MTUS1: variants seen among roughly 807,000 people sequenced by gnomAD.
MTUS1 encodes the protein microtubule associated scaffold protein 1, also known as microtubule-associated tumor suppressor 1.
MTUS1 carries 109 observed loss-of-function variants against 120.8 expected under a neutral mutation model. The observed-to-expected ratio is 0.90, with a 90% CI of 0.77 to 1.06. MTUS1 has a LOEUF of 1.06. Ranked by LOEUF, MTUS1 falls within the 50% of genes least tolerant of loss-of-function variation. The pLI is 0.00. For synonymous variants in MTUS1, 737 were observed against 550.5 expected, an observed-to-expected ratio of 1.34 and a Z score of -4.74; for missense variants, 2,210 against 1,486.3, an observed-to-expected ratio of 1.49 and a Z score of -8.01.
At chr8:17,707,507 A>C (rs1217478874) in intron 6 of MTUS1, among the ~76,000 whole-genome samples, 1 of 152,172 alleles carries the variant, frequency 6.6e-6, no homozygotes, top group Non-Finnish European at 1.5e-5. Context: ...ATTAAGCTGC[A>C]ATGTTGACCC....
At chr8:17,722,663 A>G (rs1301045886) in intron 4 of MTUS1, 1 of 612,050 alleles carries the variant, frequency 1.6e-6, no homozygotes, top group Non-Finnish European at 2.0e-6. Flanking sequence ...CAAAAAATGC[A>G]TTCTCAATTC....
chr8:17,648,005 A>G (rs925908089), intron 13 of MTUS1, among the ~76,000 whole-genome samples: 2 of 152,214 alleles, frequency 1.3e-5, no homozygotes, highest in Non-Finnish European at 2.9e-5. Context: ...CACTTTCCAG[A>G]AAAGGAGTCT....
chr8:17,649,247 G>A (rs1192391176), intron 13 of MTUS1, among the ~76,000 whole-genome samples: 1 of 152,024 alleles, frequency 6.6e-6, no homozygotes, highest in East Asian at 1.9e-4. Flanking sequence ...AGTAGAGACA[G>A]GGTTTCACCA....
intron 1 of MTUS1, among the ~76,000 whole-genome samples, chr8:17,767,153 T>A (rs961025072): frequency 4.2e-5 from 6 of 144,432 alleles, no homozygotes; most frequent in African/African-American, 1.5e-4. Context: ...ATGACCGACT[T>A]TTCTTTTTTC....
rs543212257 is a variant in MTUS1, at chr8:17,755,308, T to G, written c.500A>C (p.Lys167Thr). ...ATGTGATATAAAGGTGCAGTTAACT[T>G]TATCCACTGTCATGTCAAATGTTTG... ...LNQTFDMTVD[K>T]VNCTFISHHA... is the part of the protein sequence containing the mutation. The change falls in exon 2 of 15, where the codon AAA becomes ACA. Residue 167 changes from lysine to threonine, a missense_variant. By Grantham distance (78) the Lys-to-Thr change is moderately conservative. Coordinates refer to ENST00000693296, the MANE Select transcript of MTUS1 (RefSeq NM_001363059.2). The G allele has an allele frequency of 9.9e-6, 16 of 1,614,176 alleles. No individual in the cohort carries two copies. In the South Asian group the frequency reaches 1.8e-4, roughly 18 times the overall value.
At chr8:17,778,527 A>T (rs1489331714) in intron 1 of MTUS1, among the ~76,000 whole-genome samples, 1 of 152,190 alleles carries the variant, frequency 6.6e-6, no homozygotes, top group East Asian at 1.9e-4. Context: ...AACCAGACTT[A>T]AAGAGGAGGG....
intron 6 of MTUS1, among the ~76,000 whole-genome samples, chr8:17,694,234 G>A (rs1019349655): frequency 8.5e-5 from 13 of 152,148 alleles, no homozygotes; most frequent in Non-Finnish European, 1.8e-4. Flanking sequence ...GCCAGGAAGA[G>A]CAGTTTCAAT....
chr8:17,711,359 T>C (rs1270820875), intron 6 of MTUS1, among the ~76,000 whole-genome samples: 1 of 152,236 alleles, frequency 6.6e-6, no homozygotes, highest in Non-Finnish European at 1.5e-5. Flanking sequence ...TGACTCGCTG[T>C]AGCTTCTACA....
At chr8:17,752,016 A>G (rs1202043701) in intron 2 of MTUS1, among the ~76,000 whole-genome samples, 1 of 152,206 alleles carries the variant, frequency 6.6e-6, no homozygotes, top group Non-Finnish European at 1.5e-5. Flanking sequence ...CCTGAGGCGA[A>G]AAGTGCTGTT....
At chr8:17,789,267 G>C (rs1296971789) in intron 1 of MTUS1, among the ~76,000 whole-genome samples, 1 of 152,076 alleles carries the variant, frequency 6.6e-6, no homozygotes, top group Non-Finnish European at 1.5e-5. Flanking sequence ...CCAATCTCAG[G>C]TGATCTGCCC....
At chr8:17,785,396 T>C (rs1474766133) in intron 1 of MTUS1, among the ~76,000 whole-genome samples, 1 of 152,156 alleles carries the variant, frequency 6.6e-6, no homozygotes, top group African/African-American at 2.4e-5. Context: ...CATAGGCAGG[T>C]GAGTGCTTCT....
intron 6 of MTUS1, among the ~76,000 whole-genome samples, chr8:17,692,905 T>C (rs991123321): frequency 2.6e-5 from 4 of 152,216 alleles, no homozygotes; most frequent in African/African-American, 9.7e-5. Context: ...GTTCTGATAC[T>C]ACCTCTGCCA....
chr8:17,745,704 G>A (rs1327918828), intron 2 of MTUS1, among the ~76,000 whole-genome samples: 5 of 152,120 alleles, frequency 3.3e-5, no homozygotes, highest in Non-Finnish European at 7.3e-5. Context: ...TCTACACATC[G>A]AACGTTAATA....
chr8:17,769,617 G>C (rs2134279), intron 1 of MTUS1, among the ~76,000 whole-genome samples: 109,536 of 151,656 alleles, frequency 0.72, 40,078 homozygotes, highest in Middle Eastern at 0.81. Context: ...AAAGTGCTGG[G>C]ATTACAGGCG....
chr8:17,696,753 ACTT>A (rs768327474), intron 6 of MTUS1, among the ~76,000 whole-genome samples: 22 of 152,326 alleles, frequency 1.4e-4, no homozygotes, highest in Non-Finnish European at 2.4e-4. Context: ...TTCACTTACT[ACTT>A]CCCCATAACC....
chr8:17,744,773 A>ATT (rs2047617238), intron 2 of MTUS1, among the ~76,000 whole-genome samples: 2 of 141,550 alleles, frequency 1.4e-5, no homozygotes, highest in African/African-American at 5.3e-5. Flanking sequence ...CTCAAACTCC[A>ATT]CACTTCGTGA....
intron 4 of MTUS1, among the ~76,000 whole-genome samples, chr8:17,716,242 A>C (rs898751939): frequency 6.6e-6 from 1 of 152,224 alleles, no homozygotes; most frequent in Admixed American, 6.5e-5. Context: ...GCAGCTAGGA[A>C]GAGCACCCAT....
At chr8:17,681,818 A>T (rs2130742035) in intron 7 of MTUS1, among the ~76,000 whole-genome samples, 1 of 151,720 alleles carries the variant, frequency 6.6e-6, no homozygotes, top group African/African-American at 2.4e-5. Flanking sequence ...GAGTTACGTA[A>T]TTATAAATTT....
rs1250217308 is a variant in MTUS1 at position 17,684,340 on chromosome 8, G to T, written c.2826C>A (p.His942Gln). The change falls in exon 7 of 15, where the codon CAC becomes CAA. Residue 942 changes from histidine to glutamine, a missense_variant. His to Gln is a conservative substitution (Grantham distance 24, BLOSUM62 0). Coordinates refer to ENST00000693296, the MANE Select transcript of MTUS1 (RefSeq NM_001363059.2). ...TGCACCTCCTTACCTCAGACAGCAG[G>T]TGCTGAATCACAACTGTCAATGCCT... is the stretch of plus-strand genomic sequence containing the variant. ...KFEALTVVIQ[H>Q]LLSEREEALK... 6.2e-7 allele frequency: 1 copy of T among 1,613,654 alleles called. No homozygotes were observed. Among genetic ancestry groups the T allele is most frequent in the South Asian group, 1.1e-5 (1 of 91,074 alleles).
Sources: gnomAD v4.1 joint callset for allele counts (sites outside exome capture counted in the v4.1 genomes callset) on GRCh38, gnomAD v4.1.1 for gene constraint, MANE v1.5 for transcripts, NCBI Gene and HGNC (gene_info 2026-07-23, HGNC 2026-07-21) for gene names.